Variants in SLC17A1 observed in about 807,000 individuals in gnomAD.
SLC17A1 encodes the protein solute carrier family 17 member 1, also known as sodium-dependent phosphate transport protein 1.
SLC17A1 carries 51 observed loss-of-function variants against 53.5 expected under a neutral mutation model. The observed-to-expected ratio is 0.95, with a 90% CI of 0.76 to 1.20. SLC17A1 has a LOEUF of 1.20. Among genes scored for constraint, SLC17A1 ranks in the 50% most tolerant of loss-of-function variants. SLC17A1 has a pLI of 0.00. For missense variants in SLC17A1, 538 were observed against 568.2 expected (o/e 0.95, Z 0.54); for synonymous variants, 179 against 198.8 (o/e 0.90, Z 0.84).
rs1764967000 is a variant in SLC17A1, at chr6:25,832,017, T to G, written c.-74A>C. The G allele has an allele frequency of 6.6e-6, 1 of 152,176 alleles. No homozygotes were observed. The highest frequency in any genetic ancestry group is 1.5e-5 in the Non-Finnish European group (1 of 68,032). 9.4% of individuals were successfully genotyped at this position (152,176 alleles called of 1,614,324 possible). A position where few individuals can be genotyped will look rare whatever the true frequency, so the allele number is the denominator to read the frequency against. ...ACCTGATTCGGGACAAAAAAGTGAT[T>G]TCTTCTTCCGCTGTGAAGACTTTTC... On this transcript the variant is annotated 5_prime_UTR_variant, in exon 1 of 13. Coordinates refer to ENST00000244527, the MANE Select transcript of SLC17A1 (RefSeq NM_005074.5).
chr6:25,813,047 G>A, intron 7 of SLC17A1, 48 bp downstream of exon 7: 1 of 1,611,706 alleles, frequency 6.2e-7, no homozygotes, highest in South Asian at 1.1e-5. Flanking sequence ...AACATGTTTA[G>A]TTTGGAGTAG....
chr6:25,776,485 T>C, the SLC17A1 span: 1 of 1,280,118 alleles, frequency 7.8e-7, no homozygotes, highest in South Asian at 1.6e-5. Flanking sequence ...GTATTAAAAG[T>C]GATGCGTATA....
the SLC17A1 span, among the ~76,000 whole-genome samples, chr6:25,729,066 G>T: frequency 6.6e-6 from 1 of 152,188 alleles, no homozygotes; most frequent in Non-Finnish European, 1.5e-5. Context: ...TCACATAGCT[G>T]CCAAATAACC....
chr6:25,725,765 T>G, the SLC17A1 span, among the ~76,000 whole-genome samples: 1 of 152,062 alleles, frequency 6.6e-6, no homozygotes, highest in Non-Finnish European at 1.5e-5. Context: ...CAGACCCAGC[T>G]AGTTTCTGTG....
the SLC17A1 span, among the ~76,000 whole-genome samples, chr6:25,752,998 T>C: frequency 2.0e-5 from 3 of 152,092 alleles, no homozygotes; most frequent in African/African-American, 4.8e-5. Flanking sequence ...ATTTTCTTTA[T>C]ACCCTTATTC....
At chr6:25,774,198 T>C in the SLC17A1 span, among the ~76,000 whole-genome samples, 1 of 152,202 alleles carries the variant, frequency 6.6e-6, no homozygotes, top group Admixed American at 6.5e-5. Flanking sequence ...TTTATTCAAG[T>C]ATAACATAGA....
At chr6:25,756,094 G>A in the SLC17A1 span, among the ~76,000 whole-genome samples, 4 of 152,088 alleles carry the variant, frequency 2.6e-5, no homozygotes, top group Non-Finnish European at 5.9e-5. Flanking sequence ...GTCCTTTACA[G>A]CCCATGTGCC....
chr6:25,811,380 C>T lies in SLC17A1; in HGVS notation c.1178+18G>A, dbSNP rs375718324. 8.2e-6 allele frequency: 13 copies of T among 1,592,796 alleles called. No individual in the cohort carries two copies. Among genetic ancestry groups the T allele is most frequent in the South Asian group, 5.7e-5 (5 of 87,772 alleles). On this transcript the variant is annotated intron_variant, in intron 10 of 12. Transcript: ENST00000244527. ...TTATTTGTTAAAGGTTAAAAAAAAGCGTATAAACAAATCCTACCTGGGAGC... is the reference window on the plus strand; with the variant it reads ...TTATTTGTTAAAGGTTAAAAAAAAGTGTATAAACAAATCCTACCTGGGAGC...
chr6:25,756,166 C>T, the SLC17A1 span, among the ~76,000 whole-genome samples: 1 of 152,070 alleles, frequency 6.6e-6, no homozygotes, highest in Admixed American at 6.5e-5. Flanking sequence ...AATGGTCTGG[C>T]CATTTTGGGA....
chr6:25,767,557 A>T, the SLC17A1 span, among the ~76,000 whole-genome samples: 1 of 152,202 alleles, frequency 6.6e-6, no homozygotes, highest in Non-Finnish European at 1.5e-5. Context: ...TGATTCTAGG[A>T]TTAAAATACA....
chr6:25,792,789 G>A (rs1209794022), intron 12 of SLC17A1, among the ~76,000 whole-genome samples: 1 of 151,894 alleles, frequency 6.6e-6, no homozygotes, highest in African/African-American at 2.4e-5. Context: ...GCCTTGTCTG[G>A]CCTGCTGTAC....
At chr6:25,810,061 C>T (rs1474455481) in intron 10 of SLC17A1, among the ~76,000 whole-genome samples, 2 of 151,978 alleles carry the variant, frequency 1.3e-5, no homozygotes, top group African/African-American at 4.8e-5. Context: ...TGGGTATCCA[C>T]ATGCAGAAGA....
intron 8 of SLC17A1, 105 bp from the exon 9 acceptor site, chr6:25,811,875 A>G (rs751672791): frequency 9.0e-6 from 11 of 1,225,652 alleles, no homozygotes; most frequent in Non-Finnish European, 1.2e-5. Context: ...GTGTACTTTC[A>G]TATAGGAAAT....
At chr6:25,759,555 T>C in the SLC17A1 span, among the ~76,000 whole-genome samples, 45,439 of 152,180 alleles carry the variant, frequency 0.3, 7,768 homozygotes, top group East Asian at 0.74. Flanking sequence ...TGTCTCTCTT[T>C]ATCTTTTTCA....
At chr6:25,731,205 G>A in the SLC17A1 span, among the ~76,000 whole-genome samples, 2 of 152,148 alleles carry the variant, frequency 1.3e-5, no homozygotes, top group Admixed American at 6.5e-5. Context: ...GCAGTTCAAG[G>A]GGAGTTAGCC....
At chr6:25,753,482 A>T in the SLC17A1 span, among the ~76,000 whole-genome samples, 1 of 152,164 alleles carries the variant, frequency 6.6e-6, no homozygotes, top group Non-Finnish European at 1.5e-5. Flanking sequence ...ATTAAAAGAG[A>T]GAGAATGGAA....
At chr6:25,733,806 ATGTGTGTGTGTG>A in the SLC17A1 span, among the ~76,000 whole-genome samples, 2 of 133,882 alleles carry the variant, frequency 1.5e-5, no homozygotes, top group Admixed American at 1.5e-4. Context: ...GTGTGTGTGT[ATGTGTGTGTGTG>A]TGTGTGTGTG....
chr6:25,786,014 TG>T (rs1463169942), intron 12 of SLC17A1, among the ~76,000 whole-genome samples: 1 of 152,176 alleles, frequency 6.6e-6, no homozygotes, highest in Admixed American at 6.5e-5. Context: ...CATAAAAACT[TG>T]TACACACAAA....
Position 25,812,909 on chromosome 6 carries a change from C to A in SLC17A1, c.819G>T (p.Thr273=). The A allele has an allele frequency of 6.2e-7, 1 of 1,613,344 alleles. No homozygotes were observed. Among genetic ancestry groups the A allele is most frequent in the Non-Finnish European group, 8.5e-7 (1 of 1,179,368 alleles). ...TCATGATGTTATGTGACCAGAAAAACGTAAAACTACCAGTGGAAATAGCCC... is the reference window on the plus strand; with the variant it reads ...TCATGATGTTATGTGACCAGAAAAAAGTAAAACTACCAGTGGAAATAGCCC... ...PVWAISTGSF[T]FFWSHNIMTL... The change falls in exon 8 of 13, where the codon ACG becomes ACT. Residue 273 remains threonine, a synonymous_variant. Coordinates refer to ENST00000244527, the MANE Select transcript of SLC17A1 (RefSeq NM_005074.5).
Sources: gnomAD v4.1 joint callset for allele counts (sites outside exome capture counted in the v4.1 genomes callset) on GRCh38, gnomAD v4.1.1 for gene constraint, MANE v1.5 for transcripts, NCBI Gene and HGNC (gene_info 2026-07-23, HGNC 2026-07-21) for gene names.